XIRP2: variants seen among roughly 807,000 people sequenced by gnomAD.
XIRP2 encodes xin actin-binding repeat-containing protein 2.
XIRP2 carries 236 observed loss-of-function variants against 277.0 expected under a neutral mutation model. That is an observed-to-expected ratio of 0.85 (90% CI 0.77 to 0.95). XIRP2 has a LOEUF of 0.95. Ranked by LOEUF, XIRP2 falls within the 40% of genes least tolerant of loss-of-function variation. The pLI is 0.00. For synonymous variants in XIRP2, 1,490 were observed against 1,416.5 expected (o/e 1.05, Z -1.17); for missense variants, 4,640 against 4,157.5 (o/e 1.12, Z -3.19).
At chr2:166,912,040 A>G (rs1035776925) in intron 2 of XIRP2, among the ~76,000 whole-genome samples, 2 of 151,862 alleles carry the variant, frequency 1.3e-5, no homozygotes, top group Non-Finnish European at 2.9e-5. Context: ...TGCCCTTAAC[A>G]TTTTTTCCTT....
rs771391546 is a variant in XIRP2, at chr2:167,251,380, G to A, written c.9988G>A (p.Glu3330Lys). The A allele has an allele frequency of 3.7e-6, 6 of 1,613,550 alleles. No individual in the cohort carries two copies. The highest frequency in any genetic ancestry group is 5.1e-6 in the Non-Finnish European group (6 of 1,179,662). Residue 3330 changes from glutamate (E) to lysine (K), a missense_variant, in exon 9 of 11, where the codon GAA becomes AAA. Physicochemically the swap from Glu to Lys is moderately conservative, Grantham distance 56. Coordinates refer to ENST00000409195, the MANE Select transcript of XIRP2 (RefSeq NM_152381.6). ...QMAENFVNDPENEINRWFREF... is the reference protein window; with the variant it reads ...QMAENFVNDPKNEINRWFREF... ...GGCTGAAAATTTCGTGAATGACCCT[G>A]AAAATGAAATAAACAGATGGTTCAG... is the stretch of plus-strand genomic sequence containing the variant.
At chr2:167,117,799 AT>A (rs768842461) in intron 2 of XIRP2, among the ~76,000 whole-genome samples, 9 of 151,988 alleles carry the variant, frequency 5.9e-5, no homozygotes, top group Admixed American at 1.3e-4. Flanking sequence ...AAGATGTTGA[AT>A]TTTTTTCCCA....
chr2:166,903,943 C>A, intron 2 of XIRP2, 53 bp downstream of exon 2: 3 of 1,500,810 alleles, frequency 2.0e-6, no homozygotes, highest in Non-Finnish European at 1.8e-6. Flanking sequence ...CCTTGCCTAG[C>A]CTACCATTTA....
chr2:166,939,679 C>CAAAAAAAAAAAAAAAA (rs138977006), intron 2 of XIRP2, among the ~76,000 whole-genome samples: 11 of 90,644 alleles, frequency 1.2e-4, no homozygotes, highest in African/African-American at 2.0e-4. Context: ...GACTCCATCA[C>CAAAAAAAAAAAAAAAA]AAAAAAAAAA....
chr2:167,248,630 C>T lies in XIRP2; in HGVS notation c.7238C>T (p.Thr2413Ile), dbSNP rs1327726297. The change falls in exon 9 of 11, where the codon ACA (threonine) becomes ATA (isoleucine). Residue 2413 changes from threonine to isoleucine, a missense_variant. Coordinates refer to ENST00000409195, the MANE Select transcript of XIRP2 (RefSeq NM_152381.6). ...CAGAATTCTCAGGCTAAAATCATAA[C>T]AGGAAAAACCGGTGTGTTGCCACCT... ...NSQNSQAKIITGKTGVLPPPT... is the reference protein window; with the variant it reads ...NSQNSQAKIIIGKTGVLPPPT... The T allele has an allele frequency of 6.2e-7, 1 of 1,613,700 alleles. No individual in the cohort carries two copies.
intron 2 of XIRP2, among the ~76,000 whole-genome samples, chr2:167,092,072 T>G (rs1161467307): frequency 6.6e-6 from 1 of 152,152 alleles, no homozygotes; most frequent in East Asian, 1.9e-4. Context: ...TCTAATGCCT[T>G]AAGTAACTTT....
rs368002388 is a variant in XIRP2, at chr2:167,246,164, C to T, written c.4772C>T (p.Ala1591Val). 3 of 1,612,448 alleles carry T rather than the reference C, an allele frequency of 1.9e-6. No homozygotes were observed. The African/African-American group carries it at 4.0e-5, about 22-fold the overall frequency. ...RMAKYKLMNQ[A>V]SPEIQKEEII... ...GCAAAATACAAGCTAATGAACCAAGCATCTCCTGAGATACAGAAAGAAGAA... is the reference window on the plus strand; with the variant it reads ...GCAAAATACAAGCTAATGAACCAAGTATCTCCTGAGATACAGAAAGAAGAA... The change falls in exon 9 of 11, where the codon GCA becomes GTA. Residue 1591 changes from alanine to valine, a missense_variant. Coordinates refer to ENST00000409195, the MANE Select transcript of XIRP2 (RefSeq NM_152381.6).
intron 2 of XIRP2, among the ~76,000 whole-genome samples, chr2:167,127,847 C>T (rs993117916): frequency 9.2e-5 from 14 of 152,188 alleles, no homozygotes; most frequent in Non-Finnish European, 2.1e-4. Context: ...CACTTTTATG[C>T]ATGAAATTAA....
chr2:167,247,794 G>GA lies in XIRP2; in HGVS notation c.6406dup (p.Met2136AsnfsTer10). ...CATATGAACTGAGAAATGACCACCAGAAAATGGAGGGTTTTCATATAAAGA... is the reference window on the plus strand; with the variant it reads ...CATATGAACTGAGAAATGACCACCAGAAAAATGGAGGGTTTTCATATAAAGA... On this transcript the variant is annotated frameshift_variant, in exon 9 of 11. Transcript: ENST00000409195. LOFTEE classifies it high-confidence loss of function. 1 of 1,613,206 alleles carries GA rather than the reference G, an allele frequency of 6.2e-7. No homozygotes were observed. Among genetic ancestry groups the GA allele is most frequent in the South Asian group, 1.1e-5 (1 of 90,950 alleles).
At chr2:167,179,180 T>C (rs1692937783) in intron 3 of XIRP2, among the ~76,000 whole-genome samples, 1 of 152,198 alleles carries the variant, frequency 6.6e-6, no homozygotes, top group Non-Finnish European at 1.5e-5. Context: ...ACAATATTTG[T>C]TTGGTTTTAA....
At chr2:167,084,116 T>C (rs1024411914) in intron 2 of XIRP2, among the ~76,000 whole-genome samples, 1 of 152,222 alleles carries the variant, frequency 6.6e-6, no homozygotes, top group Non-Finnish European at 1.5e-5. Context: ...ATACATCCCA[T>C]CAATACCTAA....
At chr2:167,026,657 G>T (rs565531801) in intron 2 of XIRP2, among the ~76,000 whole-genome samples, 1 of 152,030 alleles carries the variant, frequency 6.6e-6, no homozygotes, top group Non-Finnish European at 1.5e-5. Context: ...CTGGTGGTGA[G>T]AAAATCTCTC....
intron 2 of XIRP2, among the ~76,000 whole-genome samples, chr2:166,947,452 C>G (rs980112972): frequency 6.6e-6 from 1 of 152,070 alleles, no homozygotes; most frequent in East Asian, 1.9e-4. Context: ...CCTTGGTATT[C>G]TTCATAAGCC....
At chr2:167,069,787 T>A (rs2105249367) in intron 2 of XIRP2, among the ~76,000 whole-genome samples, 1 of 152,270 alleles carries the variant, frequency 6.6e-6, no homozygotes, top group East Asian at 1.9e-4. Context: ...TTATTTCATT[T>A]TTGTCATCTT....
At chr2:167,042,629 T>C (rs1016842314) in intron 2 of XIRP2, among the ~76,000 whole-genome samples, 3 of 152,176 alleles carry the variant, frequency 2.0e-5, no homozygotes, top group Non-Finnish European at 2.9e-5. Flanking sequence ...TATATAATAA[T>C]GAAGGGTTCA....
At chr2:167,110,670 C>T (rs2105294502) in intron 2 of XIRP2, among the ~76,000 whole-genome samples, 1 of 152,026 alleles carries the variant, frequency 6.6e-6, no homozygotes, top group African/African-American at 2.4e-5. Context: ...TTTTTTATTC[C>T]ATATGTATTT....
intron 3 of XIRP2, among the ~76,000 whole-genome samples, chr2:167,157,107 C>G (rs16853101): frequency 2.0e-5 from 3 of 152,012 alleles, no homozygotes; most frequent in Non-Finnish European, 4.4e-5. Flanking sequence ...CAACAAAATG[C>G]ATTGAGTGCA....
In XIRP2 at chr2:167,243,682, A is replaced by G. The variant is rs1197198696; in HGVS notation, c.2290A>G (p.Lys764Glu). The change falls in exon 9 of 11, where the codon AAG becomes GAG. Residue 764 changes from lysine to glutamate, a missense_variant. Transcript: ENST00000409195. ...AACTGTTCACAGAGAAGACGTTGAA[A>G]AGGGAGATGTAAGAACAGCACGGTG... The part of the protein sequence containing the change: ...IKTVHREDVE[K>E]GDVRTARWMF... 6.2e-7 allele frequency: 1 copy of G among 1,614,018 alleles called. No homozygotes were observed. The highest frequency in any genetic ancestry group is 1.7e-5 in the Admixed American group (1 of 60,018).
chr2:167,074,624 A>ATGTGTGTGTGCGTGTGTG (rs1689514535), intron 2 of XIRP2, among the ~76,000 whole-genome samples: 1 of 139,242 alleles, frequency 7.2e-6, no homozygotes, highest in Non-Finnish European at 1.5e-5. Flanking sequence ...GTGTGTGTGC[A>ATGTGTGTGTGCGTGTGTG]TGTGTGTGTG....
Sources: allele counts gnomAD v4.1 joint callset (sites outside exome capture counted in the v4.1 genomes callset), GRCh38; gene constraint gnomAD v4.1.1; transcripts MANE v1.5; gene names NCBI Gene and HGNC (gene_info 2026-07-23, HGNC 2026-07-21).